The following TVP23C variants were observed in gnomAD, a reference collection of about 807,000 sequenced individuals.
TVP23C encodes Golgi apparatus membrane protein TVP23 homolog C.
In TVP23C, 19 loss-of-function variants were observed where a neutral mutation model predicts 28.7. The ratio of observed to expected loss-of-function variants is 0.66; its 90% CI spans 0.46 to 0.97. The LOEUF (loss-of-function observed/expected upper bound fraction) is 0.97. Among genes scored for constraint, TVP23C ranks in the 50% least tolerant of loss-of-function variants. The probability of loss-of-function intolerance (pLI) is 0.00; values close to 1 mark genes in which losing one functional copy is unlikely to be tolerated. For synonymous variants in TVP23C, 68 were observed against 81.7 expected, an observed-to-expected ratio of 0.83 and a Z score of 0.90; for missense variants, 186 against 241.3, an observed-to-expected ratio of 0.77 and a Z score of 1.52.
downstream of TVP23C, among the ~76,000 whole-genome samples, chr17:15,532,742 A>AT (rs201391829): frequency 1.3e-5 from 2 of 152,138 alleles, no homozygotes; most frequent in Non-Finnish European, 2.9e-5. Context: ...TTTCTCTATG[A>AT]TTTTTTTAAT....
chr17:15,521,865 C>G (rs1306171465), intron 5 of TVP23C, among the ~76,000 whole-genome samples: 13 of 152,192 alleles, frequency 8.5e-5, no homozygotes, highest in Admixed American at 8.5e-4. Context: ...CCACATGTCT[C>G]TCATTCTCTG....
In TVP23C at chr17:15,538,347, T is replaced by G. The variant is rs909599877; in HGVS notation, c.*2065A>C. 114 of 903,596 alleles carry G rather than the reference T, an allele frequency of 1.3e-4. No individual in the cohort carries two copies. The highest frequency in any genetic ancestry group is 1.3e-4 in the Non-Finnish European group (100 of 755,880). The allele number at this position is 903,596 out of a possible 1,614,324, so 56.0% of individuals were successfully genotyped here. A position where few individuals can be genotyped will look rare whatever the true frequency, so the allele number is the denominator to read the frequency against. On this transcript the variant is annotated 3_prime_UTR_variant, in exon 6 of 6. Coordinates refer to ENST00000518321, the MANE Select transcript of TVP23C (RefSeq NM_001135036.2). The stretch of plus-strand genomic sequence containing the variant: ...GGCTTACACCTGTAATCCCAGCACT[T>G]TGGGAGGCCGAGGAGGGTGGATCAT...
chr17:15,536,539 A>G (rs2654279), downstream of TVP23C, among the ~76,000 whole-genome samples: 1 of 152,194 alleles, frequency 6.6e-6, no homozygotes, highest in East Asian at 1.9e-4. Context: ...AGAAAAACGA[A>G]TATTAGGGAA....
chr17:15,530,437 T>C (rs978529989), intron 5 of TVP23C, among the ~76,000 whole-genome samples: 4 of 152,188 alleles, frequency 2.6e-5, no homozygotes, highest in Non-Finnish European at 5.9e-5. Context: ...CCCTTCCTCC[T>C]CCTTTGTGCT....
chr17:15,513,318 A>T (rs1982080793), intron 5 of TVP23C, among the ~76,000 whole-genome samples: 1 of 152,240 alleles, frequency 6.6e-6, no homozygotes, highest in Non-Finnish European at 1.5e-5. Context: ...CAAGAGACTA[A>T]AAATATCCTG....
chr17:15,526,055 C>T (rs1320649917), intron 5 of TVP23C, among the ~76,000 whole-genome samples: 1 of 152,210 alleles, frequency 6.6e-6, no homozygotes, highest in Non-Finnish European at 1.5e-5. Context: ...TTTGTCTGCA[C>T]TGCGTATGCC....
intron 5 of TVP23C, chr17:15,503,356 G>A: frequency 8.2e-7 from 1 of 1,221,352 alleles, no homozygotes; most frequent in Non-Finnish European, 1.1e-6. Flanking sequence ...AATGAGCTGT[G>A]ACCACGCCAC....
At chr17:15,506,919 C>T (rs1981776340) in intron 5 of TVP23C, 2 of 1,071,858 alleles carry the variant, frequency 1.9e-6, no homozygotes, top group Non-Finnish European at 2.8e-6. Flanking sequence ...AGCCCTTGGG[C>T]CGCATCTCCT....
intron 4 of TVP23C, among the ~76,000 whole-genome samples, chr17:15,546,777 CAG>C (rs1423334392): frequency 6.7e-6 from 1 of 149,746 alleles, no homozygotes; most frequent in Non-Finnish European, 1.5e-5. Context: ...AAAGGCAACA[CAG>C]AGATCTTTTA....
In TVP23C at chr17:15,507,348, C is replaced by CT. The variant is rs1300509106; in HGVS notation, c.463-4117dup. The CT allele has an allele frequency of 6.7e-6, 5 of 741,858 alleles. No individual in the cohort carries two copies. In the African/African-American group the frequency reaches 6.9e-5, roughly 10 times the overall value. The allele number at this position is 741,858 out of a possible 1,614,324, so 46.0% of individuals were successfully genotyped here. A position where few individuals can be genotyped will look rare whatever the true frequency, so the allele number is the denominator to read the frequency against. On this transcript the variant is annotated intron_variant, in intron 5 of 5. Transcript: ENST00000225576. The stretch of plus-strand genomic sequence containing the variant: ...GATCACCATTGCTGACTGGACAACT[C>CT]TAATAAGTTTCACTTACGCTTTATC...
At position 15,555,368 on chromosome 17, in the gene TVP23C, G is replaced by A. The variant is rs1984083836; in HGVS notation, c.13-4C>T. 2 of 1,613,868 alleles carry A rather than the reference G, an allele frequency of 1.2e-6. No individual in the cohort carries two copies. Among genetic ancestry groups the A allele is most frequent in the Non-Finnish European group, 1.7e-6 (2 of 1,179,840 alleles). On this transcript the variant is annotated splice_polypyrimidine_tract_variant and splice_region_variant and intron_variant, in intron 1 of 5. Coordinates refer to ENST00000518321, the MANE Select transcript of TVP23C (RefSeq NM_001135036.2). Reference sequence around the variant, plus strand: ...CTTCAGTGTCATCATTACTATCCTGGTTGGAAAAATAAATGGTCAAGAAGC... The same window carrying A: ...CTTCAGTGTCATCATTACTATCCTGATTGGAAAAATAAATGGTCAAGAAGC...
At chr17:15,515,773 C>T (rs1412378722) in intron 5 of TVP23C, among the ~76,000 whole-genome samples, 2 of 152,076 alleles carry the variant, frequency 1.3e-5, no homozygotes, top group Non-Finnish European at 2.9e-5. Context: ...CAGACCCGAG[C>T]AAGATGAATG....
chr17:15,507,424 C>A, intron 5 of TVP23C: 2 of 545,196 alleles, frequency 3.7e-6, no homozygotes, highest in East Asian at 3.4e-5. Context: ...CCCTCCACCC[C>A]ATTTGCTCAC....
At chr17:15,552,173 GAAC>G (rs1364347827) in intron 3 of TVP23C, among the ~76,000 whole-genome samples, 1 of 152,122 alleles carries the variant, frequency 6.6e-6, no homozygotes, top group Non-Finnish European at 1.5e-5. Context: ...GAAATTTTAT[GAAC>G]AACAAAAAGA....
intron 5 of TVP23C, chr17:15,507,141 C>A: frequency 1.2e-6 from 1 of 828,308 alleles, no homozygotes; most frequent in Non-Finnish European, 2.1e-6. Context: ...GCATACAGGT[C>A]CTGACATCTT....
At chr17:15,513,645 G>A (rs1033227590) in intron 5 of TVP23C, among the ~76,000 whole-genome samples, 17 of 152,160 alleles carry the variant, frequency 1.1e-4, no homozygotes, top group African/African-American at 4.1e-4. Context: ...CAAACAGCAG[G>A]ACAAAGGGTT....
At chr17:15,550,467 C>G (rs1983838351) in intron 3 of TVP23C, among the ~76,000 whole-genome samples, 1 of 152,194 alleles carries the variant, frequency 6.6e-6, no homozygotes, top group Admixed American at 6.5e-5. Context: ...AAAGTATTCT[C>G]TCTGTCATAC....
chr17:15,516,691 C>T (rs961161223), intron 5 of TVP23C: 2 of 151,712 alleles, frequency 1.3e-5, no homozygotes, highest in Non-Finnish European at 2.9e-5. Flanking sequence ...AGGACTTCAA[C>T]ATATGAATTT....
intron 3 of TVP23C, among the ~76,000 whole-genome samples, chr17:15,552,335 T>A (rs1182455796): frequency 6.6e-6 from 1 of 152,200 alleles, no homozygotes; most frequent in African/African-American, 2.4e-5. Flanking sequence ...CTCAGCATTA[T>A]GCGGCCTACG....
Sources: gnomAD v4.1 joint callset for allele counts (sites outside exome capture counted in the v4.1 genomes callset) on GRCh38, gnomAD v4.1.1 for gene constraint, MANE v1.5 for transcripts, NCBI Gene and HGNC (gene_info 2026-07-23, HGNC 2026-07-21) for gene names.